Variants in AKAP5 observed in about 807,000 individuals in gnomAD.
The protein encoded by AKAP5 is A-kinase anchoring protein 5.
A neutral mutation model predicts 13.8 loss-of-function variants in AKAP5; 5 were observed. The ratio of observed to expected loss-of-function variants is 0.36; its 90% confidence interval spans 0.19 to 0.76. AKAP5 has a LOEUF of 0.76. Ranked by LOEUF, AKAP5 falls within the 30% of genes least tolerant of loss-of-function variation. The probability of loss-of-function intolerance (pLI) is 0.51; values close to 1 mark genes in which losing one functional copy is unlikely to be tolerated. For synonymous variants in AKAP5, 148 were observed against 167.2 expected (o/e 0.89, Z 0.89); for missense variants, 406 against 484.4 (o/e 0.84, Z 1.52).
rs774585898 is a variant in AKAP5, at chr14:64,468,719, A to G, written c.325A>G (p.Ile109Val). 25 of 1,614,118 alleles carry G rather than the reference A, an allele frequency of 1.5e-5. No individual in the cohort carries two copies. The highest frequency in any genetic ancestry group is 1.9e-5 in the Non-Finnish European group (23 of 1,180,054). ...ATTGGAGGGTGAAATGCAACCTGCA[A>G]TAAATGCTGAGGATGCTGATCTTTC... The part of the protein sequence containing the change: ...KPLEGEMQPA[I>V]NAEDADLSKK... The change falls in exon 2 of 2, where the codon ATA becomes GTA. Residue 109 changes from isoleucine (I) to valine (V), a missense_variant. Physicochemically the swap from Ile to Val is conservative, Grantham distance 29 (BLOSUM62 3). Transcript: ENST00000394718.
chr14:64,471,967 T>C lies in AKAP5; in HGVS notation c.*2289T>C, dbSNP rs930248868. 6.0e-6 allele frequency: 1 copy of C among 166,414 alleles called. No individual in the cohort carries two copies. Among genetic ancestry groups the C allele is most frequent in the African/African-American group, 2.4e-5 (1 of 41,464 alleles). 10.3% of individuals were successfully genotyped at this position (166,414 alleles called of 1,614,324 possible). On this transcript the variant is annotated 3_prime_UTR_variant, in exon 2 of 2. Transcript: ENST00000394718. Reference sequence around the variant, plus strand: ...AAATCATGGATATTATTAGCAAGATTCTTTGCTGAAGTGCAAAAATATTTC... The same window carrying C: ...AAATCATGGATATTATTAGCAAGATCCTTTGCTGAAGTGCAAAAATATTTC...
chr14:64,469,723 A>C lies in AKAP5; in HGVS notation c.*45A>C. On this transcript the variant is annotated 3_prime_UTR_variant, in exon 2 of 2. Transcript: ENST00000394718. ...GCAGAAAAAACAAGCTTAATGAAGA[A>C]TTCTTTTATACATTTGTGGCATTTC... 10 of 1,315,764 alleles carry C rather than the reference A, an allele frequency of 7.6e-6. No homozygotes were observed. The highest frequency in any genetic ancestry group is 1.5e-5 in the South Asian group (1 of 66,114). The allele number at this position is 1,315,764 out of a possible 1,614,324, so 81.5% of individuals were successfully genotyped here. A position where few individuals can be genotyped will look rare whatever the true frequency, so the allele number is the denominator to read the frequency against.
At chr14:64,466,765 T>C (rs1438592409) in intron 1 of AKAP5, among the ~76,000 whole-genome samples, 2 of 152,214 alleles carry the variant, frequency 1.3e-5, no homozygotes, top group African/African-American at 4.8e-5. Flanking sequence ...AGGATTTACA[T>C]AAAAACAATA....
rs2078663237 is a variant in AKAP5, at chr14:64,470,896, A to G, written c.*1218A>G. 6.0e-6 allele frequency: 1 copy of G among 167,018 alleles called. No homozygotes were observed. The highest frequency in any genetic ancestry group is 1.5e-5 in the Non-Finnish European group (1 of 68,106). 10.3% of individuals were successfully genotyped at this position (167,018 alleles called of 1,614,324 possible). A position where few individuals can be genotyped will look rare whatever the true frequency, so the allele number is the denominator to read the frequency against. ...ACTTCTTTAAGAGCCATATTCATCA[A>G]CTTCTCTCCAAAGAGGGGAGAGTAG... On this transcript the variant is annotated 3_prime_UTR_variant, in exon 2 of 2. Transcript: ENST00000394718.
In AKAP5 at chr14:64,470,589, C is replaced by CA. The variant is rs35363924; in HGVS notation, c.*932dup. The CA allele has an allele frequency of 0.044, 2,177 of 49,804 alleles. 51 individuals are homozygous for CA. Among genetic ancestry groups the CA allele is most frequent in the African/African-American group, 0.081 (1,331 of 16,366 alleles). 3.1% of individuals were successfully genotyped at this position (49,804 alleles called of 1,614,324 possible). A position where few individuals can be genotyped will look rare whatever the true frequency, so the allele number is the denominator to read the frequency against. On this transcript the variant is annotated 3_prime_UTR_variant, in exon 2 of 2. Coordinates refer to ENST00000394718, the MANE Select transcript of AKAP5 (RefSeq NM_004857.3). ...TGGGCAACAGAGCGAGACTCCTTCT[C>CA]AAAAAAAAAAAAAAAAAAAAAGAGA...
In AKAP5 at chr14:64,473,864, C is replaced by T. The variant is rs1258401213; in HGVS notation, c.*4186C>T. On this transcript the variant is annotated 3_prime_UTR_variant, in exon 2 of 2. Coordinates refer to ENST00000394718, the MANE Select transcript of AKAP5 (RefSeq NM_004857.3). Reference sequence around the variant, plus strand: ...ATTGGGTAACATGAACTCTCTTATACATAATTCAAAATTTCAATCCATGGT... The same window carrying T: ...ATTGGGTAACATGAACTCTCTTATATATAATTCAAAATTTCAATCCATGGT... 1.8e-5 allele frequency: 3 copies of T among 166,772 alleles called. No homozygotes were observed. The highest frequency in any genetic ancestry group is 4.4e-5 in the Non-Finnish European group (3 of 68,110). 10.3% of individuals were successfully genotyped at this position (166,772 alleles called of 1,614,324 possible).
rs2078674936 is a variant in AKAP5, at chr14:64,471,773, T to A, written c.*2095T>A. On this transcript the variant is annotated 3_prime_UTR_variant, in exon 2 of 2. Transcript: ENST00000394718. Reference sequence around the variant, plus strand: ...GTTCAAGAGCTCCACTTGGAGGAAATAATGCACATTAGATGATTTTAAATG... The same window carrying A: ...GTTCAAGAGCTCCACTTGGAGGAAAAAATGCACATTAGATGATTTTAAATG... 6.0e-6 allele frequency: 1 copy of A among 167,000 alleles called. No homozygotes were observed. Among genetic ancestry groups the A allele is most frequent in the African/African-American group, 2.4e-5 (1 of 41,448 alleles). 10.3% of individuals were successfully genotyped at this position (167,000 alleles called of 1,614,324 possible).
At chr14:64,467,503 T>A (rs1478428843) in intron 1 of AKAP5, 1 of 152,224 alleles carries the variant, frequency 6.6e-6, no homozygotes, top group African/African-American at 2.4e-5. Flanking sequence ...GAAATGACAG[T>A]AATGCTAAAT....
Position 64,465,614 on chromosome 14 carries a change from G to GT in AKAP5, c.-264+2dup, listed in dbSNP as rs939953113. ...TTGGCCAAGGACCCCGACGCCCTAC[G>GT]TAAGTAAAGGCAGGGCGGGGAGCCT... is the stretch of plus-strand genomic sequence containing the variant. On this transcript the variant is annotated splice_donor_variant, in intron 1 of 1. Coordinates refer to ENST00000394718, the MANE Select transcript of AKAP5 (RefSeq NM_004857.3). LOFTEE classifies it low-confidence loss of function (5UTR_SPLICE). The GT allele has an allele frequency of 6.6e-6, 1 of 152,170 alleles. No individual in the cohort carries two copies. The highest frequency in any genetic ancestry group is 2.4e-5 in the African/African-American group (1 of 41,460). The allele number at this position is 152,170 out of a possible 1,614,324, so 9.4% of individuals were successfully genotyped here. A position where few individuals can be genotyped will look rare whatever the true frequency, so the allele number is the denominator to read the frequency against.
chr14:64,469,317 AT>A lies in AKAP5; in HGVS notation c.924del (p.Asp308GlufsTer4). ...GTAGCTGAAGAAACTAAGCCAAAAG[AT>A]ACTGAATTGAGCCAAGAATCAGATT... ...EIVAEETKPK[D>X]TELSQESDFK... On this transcript the variant is annotated frameshift_variant, in exon 2 of 2. Transcript: ENST00000394718. LOFTEE classifies it high-confidence loss of function. 1 of 1,613,620 alleles carries A rather than the reference AT, an allele frequency of 6.2e-7. No individual in the cohort carries two copies. Among genetic ancestry groups the A allele is most frequent in the East Asian group, 2.2e-5 (1 of 44,888 alleles).
Position 64,468,591 on chromosome 14 carries a change from C to G in AKAP5, c.197C>G (p.Ala66Gly). The change falls in exon 2 of 2, where the codon GCA becomes GGA. Residue 66 changes from alanine to glycine, a missense_variant. Ala to Gly is a moderately conservative substitution (Grantham distance 60). Coordinates refer to ENST00000394718, the MANE Select transcript of AKAP5 (RefSeq NM_004857.3). The part of the protein sequence containing the change: ...ADVARKCPQE[A>G]GASDQPEPTR... ...GTGGCAAGGAAGTGTCCACAAGAAG[C>G]AGGAGCTTCTGATCAGCCAGAGCCC... 1 of 1,613,910 alleles carries G rather than the reference C, an allele frequency of 6.2e-7. No homozygotes were observed. The highest frequency in any genetic ancestry group is 1.1e-5 in the South Asian group (1 of 91,086).
intron 1 of AKAP5, chr14:64,467,065 A>G (rs923985151): frequency 5.3e-5 from 8 of 152,246 alleles, no homozygotes; most frequent in African/African-American, 1.9e-4. Flanking sequence ...TTATGAGTTG[A>G]TAAGTGCCTT....
chr14:64,470,391 A>G lies in AKAP5; in HGVS notation c.*713A>G, dbSNP rs556109821. 29 of 163,096 alleles carry G rather than the reference A, an allele frequency of 1.8e-4. No individual in the cohort carries two copies. Among genetic ancestry groups the G allele is most frequent in the African/African-American group, 7.0e-4 (29 of 41,552 alleles). The allele number at this position is 163,096 out of a possible 1,614,324, so 10.1% of individuals were successfully genotyped here. On this transcript the variant is annotated 3_prime_UTR_variant, in exon 2 of 2. Coordinates refer to ENST00000394718, the MANE Select transcript of AKAP5 (RefSeq NM_004857.3). ...GATCAGCTAAGGTCAGGAGTTCGAGACCAGCCTGGCCAATGTGGTGAAACC... is the reference window on the plus strand; with the variant it reads ...GATCAGCTAAGGTCAGGAGTTCGAGGCCAGCCTGGCCAATGTGGTGAAACC...
In AKAP5 at chr14:64,469,469, C is replaced by G; in HGVS notation, c.1075C>G (p.Pro359Ala). The G allele has an allele frequency of 6.2e-7, 1 of 1,613,156 alleles. No homozygotes were observed. The highest frequency in any genetic ancestry group is 8.5e-7 in the Non-Finnish European group (1 of 1,179,760). The change falls in exon 2 of 2, where the codon CCT becomes GCT. Residue 359 changes from proline (P) to alanine (A), a missense_variant. By Grantham distance (27) the Pro-to-Ala change is conservative (BLOSUM62 -1). Coordinates refer to ENST00000394718, the MANE Select transcript of AKAP5 (RefSeq NM_004857.3). ...EFDVTKSKNV[P>A]KQFLISAENE... Reference sequence around the variant, plus strand: ...TGATGTTACAAAATCTAAAAATGTCCCTAAGCAATTCTTAATTTCAGCTGA... The same window carrying G: ...TGATGTTACAAAATCTAAAAATGTCGCTAAGCAATTCTTAATTTCAGCTGA...
rs1301717330 is a variant in AKAP5 at position 64,471,244 on chromosome 14, C to T, written c.*1566C>T. 4 of 155,780 alleles carry T rather than the reference C, an allele frequency of 2.6e-5. No individual in the cohort carries two copies. Among genetic ancestry groups the T allele is most frequent in the Non-Finnish European group, 5.9e-5 (4 of 67,984 alleles). The allele number at this position is 155,780 out of a possible 1,614,324, so 9.6% of individuals were successfully genotyped here. A position where few individuals can be genotyped will look rare whatever the true frequency, so the allele number is the denominator to read the frequency against. ...CTTGGCTCACTGCAAGCTCCACCTCCTGGGTTCACACCATTCTTCTGCCTC... is the reference window on the plus strand; with the variant it reads ...CTTGGCTCACTGCAAGCTCCACCTCTTGGGTTCACACCATTCTTCTGCCTC... On this transcript the variant is annotated 3_prime_UTR_variant, in exon 2 of 2. Transcript: ENST00000394718.
At position 64,468,770 on chromosome 14, in the gene AKAP5, A is replaced by C. The variant is rs760596184; in HGVS notation, c.376A>C (p.Lys126Gln). Residue 126 changes from lysine to glutamine, a missense_variant, in exon 2 of 2, where the codon AAG becomes CAG. Coordinates refer to ENST00000394718, the MANE Select transcript of AKAP5 (RefSeq NM_004857.3). ...TAAGAAAAAGGCAAAATCTAGACTT[A>C]AGATTCCCTGCATAAAATTCCCAAG... ...LSKKKAKSRLKIPCIKFPRGP... is the reference protein window; with the variant it reads ...LSKKKAKSRLQIPCIKFPRGP... The C allele has an allele frequency of 6.2e-7, 1 of 1,614,218 alleles. No individual in the cohort carries two copies. Among genetic ancestry groups the C allele is most frequent in the South Asian group, 1.1e-5 (1 of 91,092 alleles).
At position 64,469,069 on chromosome 14, in the gene AKAP5, G is replaced by A. The variant is rs1349040404; in HGVS notation, c.675G>A (p.Thr225=). The change falls in exon 2 of 2, where the codon ACG becomes ACA. Residue 225 remains threonine (T), a synonymous_variant. Coordinates refer to ENST00000394718, the MANE Select transcript of AKAP5 (RefSeq NM_004857.3). ...ATAATGGGCATTCTGCTATTCAAAC[G>A]GGAACTCTAATCCTTGAAGAAATTG... is the stretch of plus-strand genomic sequence containing the variant. ...GLDNGHSAIQ[T]GTLILEEIET... The A allele has an allele frequency of 5.6e-6, 9 of 1,613,912 alleles. No individual in the cohort carries two copies. Among genetic ancestry groups the A allele is most frequent in the African/African-American group, 4.0e-5 (3 of 74,912 alleles).
Position 64,470,385 on chromosome 14 carries a change from T to G in AKAP5, c.*707T>G, listed in dbSNP as rs1596590571. The G allele has an allele frequency of 6.1e-6, 1 of 162,790 alleles. No homozygotes were observed. Among genetic ancestry groups the G allele is most frequent in the Non-Finnish European group, 1.5e-5 (1 of 68,028 alleles). The allele number at this position is 162,790 out of a possible 1,614,324, so 10.1% of individuals were successfully genotyped here. On this transcript the variant is annotated 3_prime_UTR_variant, in exon 2 of 2. Coordinates refer to ENST00000394718, the MANE Select transcript of AKAP5 (RefSeq NM_004857.3). ...CGGGTGGATCAGCTAAGGTCAGGAG[T>G]TCGAGACCAGCCTGGCCAATGTGGT...
rs1292323335 is a variant in AKAP5 at position 64,473,218 on chromosome 14, G to C, written c.*3540G>C. 1.2e-5 allele frequency: 2 copies of C among 166,990 alleles called. No individual in the cohort carries two copies. Among genetic ancestry groups the C allele is most frequent in the African/African-American group, 4.8e-5 (2 of 41,444 alleles). 10.3% of individuals were successfully genotyped at this position (166,990 alleles called of 1,614,324 possible). ...AGTACCCGGTAACATTTAAGTAAAG[G>C]TAGCAGAAAACAAAAGAACTTTCAA... On this transcript the variant is annotated 3_prime_UTR_variant, in exon 2 of 2. Coordinates refer to ENST00000394718, the MANE Select transcript of AKAP5 (RefSeq NM_004857.3).
Sources: allele counts gnomAD v4.1 joint callset (sites outside exome capture counted in the v4.1 genomes callset), GRCh38; gene constraint gnomAD v4.1.1; transcripts MANE v1.5; gene names NCBI Gene and HGNC (gene_info 2026-07-23, HGNC 2026-07-21).